Variants in STK32C observed in about 807,000 individuals in gnomAD.
The protein encoded by STK32C is serine/threonine kinase 32C.
In STK32C, 31 loss-of-function variants were observed where a neutral mutation model predicts 56.5. The ratio of observed to expected loss-of-function variants is 0.55; its 90% CI spans 0.41 to 0.74. The LOEUF (loss-of-function observed/expected upper bound fraction) is 0.74, where lower values mean the gene tolerates loss of function less well. Among genes scored for constraint, STK32C ranks in the 30% least tolerant of loss-of-function variants. The pLI, the probability that STK32C is intolerant of heterozygous loss-of-function variation, is 0.00. For synonymous variants in STK32C, 309 were observed against 289.4 expected, an observed-to-expected ratio of 1.07 and a Z score of -0.69; for missense variants, 544 against 676.9, an observed-to-expected ratio of 0.80 and a Z score of 2.18.
chr10:132,313,480 A>G (rs2066258315), intron 1 of STK32C, among the ~76,000 whole-genome samples: 1 of 152,220 alleles, frequency 6.6e-6, no homozygotes, highest in Admixed American at 6.5e-5. Context: ...TGGAGCGTGC[A>G]CCCCTCTCAG....
At chr10:132,304,801 G>A (rs956526168) in intron 1 of STK32C, among the ~76,000 whole-genome samples, 3 of 152,214 alleles carry the variant, frequency 2.0e-5, no homozygotes, top group South Asian at 2.1e-4. Context: ...CCGGCCCGGC[G>A]CCCAGGGCGG....
At chr10:132,253,507 TGAGGGAGCTGAGGGAGCC>T (rs1565113796) in intron 1 of STK32C, among the ~76,000 whole-genome samples, 2 of 71,864 alleles carry the variant, frequency 2.8e-5, no homozygotes, top group East Asian at 4.8e-4. Context: ...TCGAGGGAGC[TGAGGGAGCTGAGGGAGCC>T]GGAGGGAGCT....
chr10:132,274,017 C>T (rs1231845165), intron 1 of STK32C, among the ~76,000 whole-genome samples: 2 of 152,230 alleles, frequency 1.3e-5, no homozygotes, highest in East Asian at 1.9e-4. Context: ...TCCATAAGAT[C>T]CGCAAGTTGT....
chr10:132,236,960 T>C (rs935921553), intron 2 of STK32C, among the ~76,000 whole-genome samples: 1 of 152,162 alleles, frequency 6.6e-6, no homozygotes, highest in African/African-American at 2.4e-5. Flanking sequence ...CTGTAAGTAC[T>C]AGAAGATCTT....
At chr10:132,324,847 G>A (rs1435958854) in intron 1 of STK32C, among the ~76,000 whole-genome samples, 1 of 151,168 alleles carries the variant, frequency 6.6e-6, no homozygotes. Context: ...CATTGGTTTG[G>A]TCTAGAAAGG....
At chr10:132,242,994 G>A (rs1057105874) in intron 2 of STK32C, among the ~76,000 whole-genome samples, 1 of 152,154 alleles carries the variant, frequency 6.6e-6, no homozygotes, top group East Asian at 1.9e-4. Context: ...CCACCTTACA[G>A]GCCAGAGGGG....
chr10:132,223,483 C>A (rs2062758338), intron 8 of STK32C, among the ~76,000 whole-genome samples: 1 of 152,268 alleles, frequency 6.6e-6, no homozygotes, highest in African/African-American at 2.4e-5. Flanking sequence ...CAGACCCAGA[C>A]CCCGTGCGAG....
upstream of STK32C, among the ~76,000 whole-genome samples, chr10:132,308,416 G>T (rs2066151674): frequency 6.6e-6 from 1 of 152,150 alleles, no homozygotes; most frequent in Non-Finnish European, 1.5e-5. Context: ...GCGGGCTTCC[G>T]CCGCCCAGTG....
chr10:132,325,564 A>AG (rs756243931), intron 1 of STK32C, among the ~76,000 whole-genome samples: 11 of 149,966 alleles, frequency 7.3e-5, no homozygotes, highest in Admixed American at 5.3e-4. Flanking sequence ...AAAAAAAAAA[A>AG]GGGGGAGTTC....
downstream of STK32C, chr10:132,323,965 G>A (rs1244110109): frequency 1.7e-5 from 7 of 412,624 alleles, no homozygotes; most frequent in African/African-American, 1.4e-4. The surrounding 1 kb of genome is among the most constrained non-coding windows in gnomAD (Gnocchi z 4.8). Context: ...ATGCTGTCCG[G>A]AGAGAGCGGG....
chr10:132,300,520 A>G (rs1199402744), intron 1 of STK32C, among the ~76,000 whole-genome samples: 3 of 152,242 alleles, frequency 2.0e-5, no homozygotes, highest in South Asian at 4.1e-4. Context: ...TTTTTAAAAC[A>G]ATAGATTTCA....
At chr10:132,332,118 A>C, upstream of STK32C, 5 of 180,068 alleles carry the variant, frequency 2.8e-5, no homozygotes, top group Non-Finnish European at 3.5e-5. Context: ...TCACAGACAC[A>C]CTCGCGCTCA....
chr10:132,233,362 G>A (rs916652012), intron 2 of STK32C, among the ~76,000 whole-genome samples: 5 of 152,148 alleles, frequency 3.3e-5, no homozygotes, highest in South Asian at 2.1e-4. Context: ...TTCTCTTGAC[G>A]TCCCTGAGAA....
chr10:132,280,175 G>A (rs143347094), intron 1 of STK32C, among the ~76,000 whole-genome samples: 238 of 138,586 alleles, frequency 1.7e-3, no homozygotes, highest in Non-Finnish European at 3.0e-3. Flanking sequence ...CCTGCACTCC[G>A]TGACCACGCC....
At chr10:132,224,653 C>T in intron 7 of STK32C, 130 bp from the exon 8 acceptor site, 1 of 700,882 alleles carries the variant, frequency 1.4e-6, no homozygotes, top group South Asian at 1.6e-5. Context: ...CAGCTCTGAG[C>T]ACAGCCTGGC....
intron 1 of STK32C, among the ~76,000 whole-genome samples, chr10:132,273,846 G>A (rs529004827): frequency 2.0e-5 from 3 of 149,258 alleles, no homozygotes; most frequent in East Asian, 1.9e-4. Context: ...GTGAATGAAC[G>A]CACAGTGAGT....
intron 10 of STK32C, among the ~76,000 whole-genome samples, chr10:132,214,676 A>G (rs1260621038): frequency 1.3e-5 from 2 of 152,250 alleles, no homozygotes; most frequent in African/African-American, 4.8e-5. Flanking sequence ...TAACAATGTA[A>G]TGAGCAATTA....
chr10:132,226,850 T>C lies in STK32C; in HGVS notation c.589A>G (p.Ile197Val). ...TCCAGAGCCAGTGCCATCTCGCAGA[T>C]GTACAGCCTCACCGTGTCCTCGGAG... Reference protein sequence around the residue: ...QFSEDTVRLYICEMALALDYL... With the variant: ...QFSEDTVRLYVCEMALALDYL... The change falls in exon 4 of 12, where the codon ATC (isoleucine) becomes GTC (valine). Residue 197 changes from isoleucine to valine, a missense_variant. By Grantham distance (29) the Ile-to-Val change is conservative (BLOSUM62 3). This residue lies in a region of STK32C where 85 missense variants were observed against 149.9 expected (regional missense o/e 0.57). Coordinates refer to ENST00000298630, the MANE Select transcript of STK32C (RefSeq NM_173575.4). 6.2e-7 allele frequency: 1 copy of C among 1,613,390 alleles called. No individual in the cohort carries two copies. The highest frequency in any genetic ancestry group is 1.7e-5 in the Admixed American group (1 of 60,030).
At position 132,207,775 on chromosome 10, in the gene STK32C, T is replaced by C; in HGVS notation, c.*235A>G. On this transcript the variant is annotated 3_prime_UTR_variant, in exon 12 of 12. Transcript: ENST00000298630. ...AGGGCGCCCAGCAGCGCTTCCTCCA[T>C]CTAGGCGGGTCTCGGGGGCCCACGG... The C allele has an allele frequency of 2.3e-6, 1 of 435,362 alleles. No homozygotes were observed. The highest frequency in any genetic ancestry group is 2.0e-5 in the African/African-American group (1 of 49,172). The allele number at this position is 435,362 out of a possible 1,614,324, so 27.0% of individuals were successfully genotyped here.
Sources: gnomAD v4.1 joint callset for allele counts (sites outside exome capture counted in the v4.1 genomes callset) on GRCh38, gnomAD v4.1.1 for gene constraint, gnomAD v4.1.1 regional missense constraint, Gnocchi (gnomAD v3.1) non-coding constraint, MANE v1.5 for transcripts, NCBI Gene and HGNC (gene_info 2026-07-23, HGNC 2026-07-21) for gene names.